Variants in TNNI3K observed in about 807,000 individuals in gnomAD.
TNNI3K encodes the protein serine/threonine-protein kinase TNNI3K.
A neutral mutation model predicts 114.5 loss-of-function variants in TNNI3K; 140 were observed. The ratio of observed to expected loss-of-function variants is 1.22; its 90% CI spans 1.07 to 1.41. The LOEUF (loss-of-function observed/expected upper bound fraction) is 1.41. Ranked by LOEUF, TNNI3K falls within the 40% of genes most tolerant of loss-of-function variation. The probability of loss-of-function intolerance (pLI) is 0.00; values close to 1 mark genes in which losing one functional copy is unlikely to be tolerated. For missense variants in TNNI3K, 1,125 were observed against 1,007.6 expected (o/e 1.12, Z -1.58); for synonymous variants, 347 against 347.5 (o/e 1.00, Z 0.02).
intron 5 of TNNI3K, among the ~76,000 whole-genome samples, chr1:74,323,204 C>G (rs969832600): frequency 1.3e-5 from 2 of 152,108 alleles, no homozygotes; most frequent in African/African-American, 4.8e-5. Flanking sequence ...ATAGAACTTT[C>G]TGCAATGGGA....
intron 21 of TNNI3K, among the ~76,000 whole-genome samples, chr1:74,466,176 A>T (rs1667672938): frequency 6.6e-6 from 1 of 152,202 alleles, no homozygotes; most frequent in South Asian, 2.1e-4. Flanking sequence ...AAGAAGTGTA[A>T]CACTCACTGC....
At chr1:74,451,376 C>A (rs892394264) in intron 20 of TNNI3K, among the ~76,000 whole-genome samples, 1 of 151,974 alleles carries the variant, frequency 6.6e-6, no homozygotes, top group Non-Finnish European at 1.5e-5. Context: ...ACCTGCACAT[C>A]CTGCACATGT....
chr1:74,483,628 A>G (rs990372846), intron 21 of TNNI3K, among the ~76,000 whole-genome samples: 2 of 152,230 alleles, frequency 1.3e-5, no homozygotes, highest in African/African-American at 4.8e-5. Context: ...GAAAAAATTA[A>G]GTTACTTTGC....
intron 17 of TNNI3K, among the ~76,000 whole-genome samples, chr1:74,380,386 C>G (rs746238375): frequency 1.3e-5 from 2 of 152,162 alleles, no homozygotes; most frequent in Non-Finnish European, 2.9e-5. Context: ...TGAAGTGGTT[C>G]ACTCTGCAGC....
intron 2 of TNNI3K, among the ~76,000 whole-genome samples, chr1:74,239,285 T>C (rs770076321): frequency 6.6e-6 from 1 of 152,054 alleles, no homozygotes; most frequent in Non-Finnish European, 1.5e-5. Context: ...TGGAATAAAA[T>C]GATGGATGAA....
At chr1:74,302,175 T>C (rs1658367713) in intron 5 of TNNI3K, among the ~76,000 whole-genome samples, 1 of 152,218 alleles carries the variant, frequency 6.6e-6, no homozygotes, top group South Asian at 2.1e-4. Flanking sequence ...ATATCTGTGA[T>C]GGTGATGTGT....
At chr1:74,421,458 G>A (rs1665391254) in intron 17 of TNNI3K, among the ~76,000 whole-genome samples, 1 of 152,096 alleles carries the variant, frequency 6.6e-6, no homozygotes, top group South Asian at 2.1e-4. Context: ...AAGAGAAATT[G>A]AGGTAACATA....
intron 20 of TNNI3K, among the ~76,000 whole-genome samples, chr1:74,440,433 A>T (rs1398907017): frequency 6.6e-6 from 1 of 152,118 alleles, no homozygotes; most frequent in Non-Finnish European, 1.5e-5. Context: ...CTACAACAAT[A>T]TATAAGAAGG....
At chr1:74,513,547 T>G (rs998343719) in intron 23 of TNNI3K, among the ~76,000 whole-genome samples, 2 of 152,190 alleles carry the variant, frequency 1.3e-5, no homozygotes, top group African/African-American at 4.8e-5. Flanking sequence ...TTGTCTTCCT[T>G]TTTTTCTCTA....
intron 23 of TNNI3K, among the ~76,000 whole-genome samples, chr1:74,534,851 C>T (rs1646640563): frequency 6.6e-6 from 1 of 152,142 alleles, no homozygotes; most frequent in African/African-American, 2.4e-5. Context: ...ACAGTTTCCT[C>T]TGCTTCATCT....
chr1:74,496,335 A>G (rs922409806), intron 23 of TNNI3K, among the ~76,000 whole-genome samples: 1 of 152,158 alleles, frequency 6.6e-6, no homozygotes, highest in African/African-American at 2.4e-5. Context: ...AATTCCTTAC[A>G]ATGTACCACT....
chr1:74,246,855 T>A (rs914333083), intron 2 of TNNI3K, among the ~76,000 whole-genome samples: 5 of 152,208 alleles, frequency 3.3e-5, no homozygotes, highest in African/African-American at 1.2e-4. Flanking sequence ...AAAAATCATT[T>A]CATCAGTGTG....
chr1:74,491,790 T>C (rs1457167521), intron 22 of TNNI3K, among the ~76,000 whole-genome samples: 1 of 152,240 alleles, frequency 6.6e-6, no homozygotes, highest in Non-Finnish European at 1.5e-5. Context: ...GAAGAATCTT[T>C]TGATCATTGA....
chr1:74,362,416 A>G (rs1662016757), intron 11 of TNNI3K, among the ~76,000 whole-genome samples: 2 of 152,012 alleles, frequency 1.3e-5, no homozygotes, highest in Admixed American at 6.6e-5. Context: ...ACAGCCGTGA[A>G]CCCAAAGGGT....
At chr1:74,370,729 A>T (rs1172820236) in intron 17 of TNNI3K, 1 of 169,398 alleles carries the variant, frequency 5.9e-6, no homozygotes, top group Non-Finnish European at 1.3e-5. Context: ...GTCTCCTATA[A>T]AGTGAAGTGT....
At chr1:74,371,890 T>G (rs1662626472) in intron 17 of TNNI3K, 1 of 151,692 alleles carries the variant, frequency 6.6e-6, no homozygotes, top group Non-Finnish European at 1.5e-5. Flanking sequence ...GAGGGAGTTG[T>G]TGCAGTAATC....
intron 23 of TNNI3K, among the ~76,000 whole-genome samples, chr1:74,507,261 G>C (rs1669956046): frequency 7.4e-6 from 1 of 135,056 alleles, no homozygotes; most frequent in African/African-American, 2.7e-5. Flanking sequence ...ATACATAAAG[G>C]ATTCAATTAA....
At chr1:74,428,221 CTT>C (rs1665726441) in intron 17 of TNNI3K, among the ~76,000 whole-genome samples, 1 of 151,920 alleles carries the variant, frequency 6.6e-6, no homozygotes, top group Admixed American at 6.6e-5. Context: ...TGGTAAATTC[CTT>C]TTCTCTAACC....
At position 74,491,945 on chromosome 1, in the gene TNNI3K, T is replaced by G. The variant is rs45510492; in HGVS notation, c.2182-152T>G. 3.5e-4 allele frequency: 424 copies of G among 1,219,902 alleles called. 3 individuals are homozygous for G. In the African/African-American group the frequency reaches 5.4e-3, roughly 16 times the overall value. 75.6% of individuals were successfully genotyped at this position (1,219,902 alleles called of 1,614,324 possible). A position where few individuals can be genotyped will look rare whatever the true frequency, so the allele number is the denominator to read the frequency against. On this transcript the variant is annotated intron_variant, in intron 22 of 24. Transcript: ENST00000326637. ...AGCTAGGCAGATGTTGCCACTAGAC[T>G]TTTTCCTGAAAGGAAAAGCCAGGAG...
Sources: allele counts gnomAD v4.1 joint callset (sites outside exome capture counted in the v4.1 genomes callset), GRCh38; gene constraint gnomAD v4.1.1; transcripts MANE v1.5; gene names NCBI Gene and HGNC (gene_info 2026-07-23, HGNC 2026-07-21).